The following TLE6 variants were observed in gnomAD, a reference collection of about 807,000 sequenced individuals.
TLE6 encodes the protein transducin-like enhancer protein 6.
TLE6 carries 72 observed loss-of-function variants against 77.1 expected under a neutral mutation model. The observed-to-expected ratio is 0.93, with a 90% CI of 0.77 to 1.14. The LOEUF (loss-of-function observed/expected upper bound fraction) is 1.14. Ranked by LOEUF, TLE6 falls within the 50% of genes most tolerant of loss-of-function variation. The pLI, the probability that TLE6 is intolerant of heterozygous loss-of-function variation, is 0.00. For synonymous variants in TLE6, 366 were observed against 287.3 expected (o/e 1.27, Z -2.77); for missense variants, 843 against 747.6 (o/e 1.13, Z -1.49).
Position 2,989,116 on chromosome 19 carries a change from G to T in TLE6, c.796G>T (p.Gly266Trp), listed in dbSNP as rs565639059. ...ATGGAAGAGGCCAGATGCCTTGCCC[G>T]GGCAGTCAAAGAGACTCGCCGTCCC... ...DAWKRPDALP[G>W]QSKRLAVPCK... The change falls in exon 12 of 17, where the codon GGG becomes TGG. Residue 266 changes from glycine (G) to tryptophan (W), a missense_variant. Physicochemically the swap from Gly to Trp is radical, Grantham distance 184. Coordinates refer to ENST00000246112, the MANE Select transcript of TLE6 (RefSeq NM_001143986.2). The T allele has an allele frequency of 9.3e-6, 15 of 1,613,996 alleles. No homozygotes were observed. Among genetic ancestry groups the T allele is most frequent in the Non-Finnish European group, 1.3e-5 (15 of 1,180,058 alleles).
intron 2 of TLE6, among the ~76,000 whole-genome samples, 165 bp from the exon 3 acceptor site, chr19:2,979,935 G>A (rs1250365348): frequency 1.4e-5 from 2 of 145,584 alleles, no homozygotes; most frequent in Non-Finnish European, 3.0e-5. Flanking sequence ...CTGCACTCCA[G>A]CCTGGGCGAC....
Position 2,995,033 on chromosome 19 carries a change from G to T in TLE6, c.*29G>T. 1 of 1,424,504 alleles carries T rather than the reference G, an allele frequency of 7.0e-7. No homozygotes were observed. The allele number at this position is 1,424,504 out of a possible 1,614,324, so 88.2% of individuals were successfully genotyped here. ...GCCTCGCTGCTGTCATCCCACTCCG[G>T]CTCCTCTTTTCATCCCCCCCCTTCC... On this transcript the variant is annotated 3_prime_UTR_variant, in exon 17 of 17. Coordinates refer to ENST00000246112, the MANE Select transcript of TLE6 (RefSeq NM_001143986.2).
rs765001804 is a variant in TLE6, at chr19:2,987,892, C to G, written c.626-6C>G. 5 of 1,610,004 alleles carry G rather than the reference C, an allele frequency of 3.1e-6. No individual in the cohort carries two copies. The South Asian group carries it at 5.5e-5, about 18-fold the overall frequency. On this transcript the variant is annotated splice_region_variant and splice_polypyrimidine_tract_variant and intron_variant, in intron 9 of 16. Transcript: ENST00000246112. ...AGCCGCTTAGCCCCTCTTGTCTCCC[C>G]ACTAGCCCCCAGGCCACCTGAGGCC...
rs552703320 is a variant in TLE6, at chr19:2,992,645, C to T, written c.1386+661C>T. 8.7e-4 allele frequency among the ~76,000 whole-genome samples: 132 copies of T among 151,730 alleles called. 1 individual carries two copies. The highest frequency in any genetic ancestry group is 2.8e-3 in the African/African-American group (117 of 41,422). On this transcript the variant is annotated intron_variant, in intron 14 of 16. Transcript: ENST00000246112. Reference sequence around the variant, plus strand: ...TAAAAATTAGCTGAGCATGGTGGCACGTACCTGGGGTCGCAGCTAGTTGGG... The same window carrying T: ...TAAAAATTAGCTGAGCATGGTGGCATGTACCTGGGGTCGCAGCTAGTTGGG...
chr19:2,978,041 T>G (rs1568206196), intron 1 of TLE6, among the ~76,000 whole-genome samples, 157 bp from the exon 2 acceptor site: 1 of 151,942 alleles, frequency 6.6e-6, no homozygotes. Context: ...CATTGATAAG[T>G]GAGGACAGGA....
chr19:2,990,267 A>G (rs1474656590), intron 13 of TLE6, among the ~76,000 whole-genome samples: 1 of 151,842 alleles, frequency 6.6e-6, no homozygotes, highest in Non-Finnish European at 1.5e-5. Flanking sequence ...TTTATTTAAT[A>G]AAAATTAAAT....
At chr19:2,987,688 G>A in intron 8 of TLE6, 36 bp from the exon 9 acceptor site, 6 of 1,611,674 alleles carry the variant, frequency 3.7e-6, no homozygotes, top group Non-Finnish European at 5.1e-6. Flanking sequence ...CTAACAGGCA[G>A]GTCAGCAGGC....
intron 7 of TLE6, 31 bp downstream of exon 7, chr19:2,987,269 G>A: frequency 6.2e-7 from 1 of 1,614,046 alleles, no homozygotes; most frequent in Non-Finnish European, 8.5e-7. Flanking sequence ...GGGGGAAGGG[G>A]CAGCCACAGG....
At chr19:2,984,784 G>C (rs1255513179) in intron 5 of TLE6, among the ~76,000 whole-genome samples, 1 of 151,944 alleles carries the variant, frequency 6.6e-6, no homozygotes, top group Admixed American at 6.6e-5. Flanking sequence ...TTTATACTTT[G>C]AACATGGCTA....
At chr19:2,984,339 G>GGC (rs2088861096) in intron 5 of TLE6, 2 of 122,354 alleles carry the variant, frequency 1.6e-5, no homozygotes, top group African/African-American at 3.7e-5. Flanking sequence ...TCAGCCTGGA[G>GGC]TCCCCCCCCC....
intron 3 of TLE6, 113 bp from the exon 4 acceptor site, chr19:2,981,425 G>A: frequency 1.7e-6 from 2 of 1,156,396 alleles, no homozygotes; most frequent in Non-Finnish European, 2.5e-6. Flanking sequence ...GGCTTCTGGA[G>A]CCAGTGCCTT....
chr19:2,978,231 A>T lies in TLE6; in HGVS notation c.-3A>T. ...TAAAGTCTTGGAGGCTACTGCCTTG[A>T]AGATGACCTCTAGGGACCAGCCCAG... is the stretch of plus-strand genomic sequence containing the variant. On this transcript the variant is annotated 5_prime_UTR_variant, in exon 2 of 17. Coordinates refer to ENST00000246112, the MANE Select transcript of TLE6 (RefSeq NM_001143986.2). 3.9e-6 allele frequency: 6 copies of T among 1,551,476 alleles called. No individual in the cohort carries two copies. The highest frequency in any genetic ancestry group is 5.2e-6 in the Non-Finnish European group (6 of 1,146,952).
Position 2,987,051 on chromosome 19 carries a change from G to T in TLE6, c.354G>T (p.Ser118=). The T allele has an allele frequency of 9.3e-6, 15 of 1,614,078 alleles. No homozygotes were observed. The highest frequency in any genetic ancestry group is 1.3e-5 in the Non-Finnish European group (15 of 1,179,984). ...TGAAGGACAAGACCCTGCAGGAGTC[G>T]AGCTTTGAGGACATCATGGCCACCA... ...QQVKDKTLQE[S]SFEDIMATRS... Residue 118 remains serine (S), a synonymous_variant, in exon 7 of 17, where the codon TCG becomes TCT. Transcript: ENST00000246112.
At chr19:2,985,390 G>T (rs868695579) in intron 5 of TLE6, among the ~76,000 whole-genome samples, 92 of 141,592 alleles carry the variant, frequency 6.5e-4, no homozygotes, top group South Asian at 1.1e-3. Context: ...CTGTTTTGCT[G>T]CTTGAAGCCT....
chr19:2,988,512 G>T (rs1222154196), intron 11 of TLE6, among the ~76,000 whole-genome samples: 1 of 152,084 alleles, frequency 6.6e-6, no homozygotes. Context: ...GCAGGAGAAT[G>T]GCGTGAACCC....
chr19:2,993,398 C>G, intron 14 of TLE6, 34 bp from the exon 15 acceptor site: 1 of 1,574,268 alleles, frequency 6.4e-7, no homozygotes, highest in Non-Finnish European at 8.7e-7. Flanking sequence ...TGGGACCTAA[C>G]CAGGTTCCTC....
chr19:2,979,662 C>T (rs1037373079), intron 2 of TLE6, among the ~76,000 whole-genome samples: 4 of 150,720 alleles, frequency 2.7e-5, no homozygotes, highest in African/African-American at 7.3e-5. Flanking sequence ...TAAGAGAGGC[C>T]GGGCGCGGTG....
rs535270044 is a variant in TLE6 at position 2,992,700 on chromosome 19, G to A, written c.1386+716G>A. On this transcript the variant is annotated intron_variant, in intron 14 of 16. Coordinates refer to ENST00000246112, the MANE Select transcript of TLE6 (RefSeq NM_001143986.2). Reference sequence around the variant, plus strand: ...TGAGGTGAGAGAATGGCTTGAGCCCGGGGAGGCTGAGGCCACAGTGAACTG... The same window carrying A: ...TGAGGTGAGAGAATGGCTTGAGCCCAGGGAGGCTGAGGCCACAGTGAACTG... Among the ~76,000 whole-genome samples the A allele has an allele frequency of 1.1e-4, 16 of 149,578 alleles. No homozygotes were observed. The South Asian group carries it at 3.2e-3, about 30-fold the overall frequency.
intron 5 of TLE6, among the ~76,000 whole-genome samples, chr19:2,985,280 T>G (rs1568211742): frequency 6.6e-6 from 1 of 151,958 alleles, no homozygotes; most frequent in Non-Finnish European, 1.5e-5. Flanking sequence ...CTGACTTGTT[T>G]CTATCAATTC....
Sources: gnomAD v4.1 joint callset for allele counts (sites outside exome capture counted in the v4.1 genomes callset) on GRCh38, gnomAD v4.1.1 for gene constraint, MANE v1.5 for transcripts, NCBI Gene and HGNC (gene_info 2026-07-23, HGNC 2026-07-21) for gene names.